Variants in PARP14 observed in about 807,000 individuals in gnomAD.
PARP14 encodes protein mono-ADP-ribosyltransferase PARP14.
In PARP14, 59 loss-of-function variants were observed where a neutral mutation model predicts 154.2. The ratio of observed to expected loss-of-function variants is 0.38; its 90% CI spans 0.31 to 0.48. PARP14 has a LOEUF of 0.48. Among genes scored for constraint, PARP14 ranks in the 20% least tolerant of loss-of-function variants. The probability of loss-of-function intolerance (pLI) is 0.98; values close to 1 mark genes in which losing one functional copy is unlikely to be tolerated. For synonymous variants in PARP14, 720 were observed against 780.5 expected, an observed-to-expected ratio of 0.92 and a Z score of 1.29; for missense variants, 1,734 against 2,131.6, an observed-to-expected ratio of 0.81 and a Z score of 3.67.
chr3:122,718,187 C>T lies in PARP14; in HGVS notation c.4117C>T (p.Pro1373Ser), dbSNP rs749927649. 2 of 1,613,510 alleles carry T rather than the reference C, an allele frequency of 1.2e-6. No individual in the cohort carries two copies. The highest frequency in any genetic ancestry group is 1.7e-6 in the Non-Finnish European group (2 of 1,179,588). Reference sequence around the variant, plus strand: ...AAAAGTTAAAGTTGTTATCTTTCTGCCTCAAGTACTGGATGTGTTTTATGC... The same window carrying T: ...AAAAGTTAAAGTTGTTATCTTTCTGTCTCAAGTACTGGATGTGTTTTATGC... The part of the protein sequence containing the change: ...VKKVKVVIFL[P>S]QVLDVFYANM... Residue 1373 changes from proline (P) to serine (S), a missense_variant, in exon 13 of 17, where the codon CCT (proline) becomes TCT (serine). Pro to Ser is a moderately conservative substitution (Grantham distance 74). This residue lies in a region of PARP14 where 1,646 missense variants were observed against 1,976.0 expected (regional missense o/e 0.83). Coordinates refer to ENST00000474629, the MANE Select transcript of PARP14 (RefSeq NM_017554.3).
intron 15 of PARP14, among the ~76,000 whole-genome samples, chr3:122,725,188 A>G: frequency 6.6e-6 from 1 of 152,150 alleles, no homozygotes; most frequent in Non-Finnish European, 1.5e-5. Flanking sequence ...CACCTCCCAG[A>G]CGGGGTGGCT....
At chr3:122,707,379 T>A (rs1939190781) in intron 8 of PARP14, among the ~76,000 whole-genome samples, 1 of 37,650 alleles carries the variant, frequency 2.7e-5, no homozygotes, top group African/African-American at 8.2e-5. Flanking sequence ...AGACTCCATC[T>A]CAAATAAATA....
rs753710077 is a variant in PARP14 at position 122,700,210 on chromosome 3, A to G, written c.1656A>G (p.Lys552=). The change falls in exon 6 of 17, where the codon AAA becomes AAG. Residue 552 remains lysine (K), a synonymous_variant. Transcript: ENST00000474629. ...IFQFLQQVNW[K]EFSKCLFIAQ... is the part of the protein sequence containing the mutation. The stretch of plus-strand genomic sequence containing the variant: ...AGTTTTTGCAACAGGTAAACTGGAA[A>G]GAATTCTCTAAGTGTCTTTTCATAG... The G allele has an allele frequency of 9.3e-6, 15 of 1,611,924 alleles. No individual in the cohort carries two copies. The highest frequency in any genetic ancestry group is 1.3e-5 in the Non-Finnish European group (15 of 1,178,730).
chr3:122,712,649 G>A (rs530490227), intron 9 of PARP14, among the ~76,000 whole-genome samples: 3 of 152,112 alleles, frequency 2.0e-5, no homozygotes, highest in South Asian at 4.2e-4. Context: ...ACCTCTGGGG[G>A]CTCAGGTGAT....
At chr3:122,708,153 G>A in intron 8 of PARP14, 37 bp from the exon 9 acceptor site, 5 of 1,075,360 alleles carry the variant, frequency 4.6e-6, no homozygotes, top group Non-Finnish European at 7.0e-6. Flanking sequence ...TTCATTTACT[G>A]AGGAGTGTAA....
chr3:122,704,816 G>T (rs1939100635), intron 8 of PARP14, 68 bp downstream of exon 8: 2 of 815,884 alleles, frequency 2.5e-6, no homozygotes, highest in Admixed American at 2.7e-5. Flanking sequence ...TGTCTTTTTG[G>T]TCTAACAGGA....
chr3:122,704,726 C>A lies in PARP14; in HGVS notation c.3518C>A (p.Pro1173Gln). The change falls in exon 8 of 17, where the codon CCG becomes CAG. Residue 1173 changes from proline to glutamine, a missense_variant. Pro to Gln is a moderately conservative substitution (Grantham distance 76). Coordinates refer to ENST00000474629, the MANE Select transcript of PARP14 (RefSeq NM_017554.3). ...TLQEVHFLLH[P>Q]SDHENIQAFS... Reference sequence around the variant, plus strand: ...CAAGAGGTTCACTTTCTGCTGCACCCGAGTGATCATGAAAATATTCAGGTA... The same window carrying A: ...CAAGAGGTTCACTTTCTGCTGCACCAGAGTGATCATGAAAATATTCAGGTA... The A allele has an allele frequency of 6.3e-7, 1 of 1,597,876 alleles. No homozygotes were observed. Among genetic ancestry groups the A allele is most frequent in the East Asian group, 2.2e-5 (1 of 44,492 alleles).
chr3:122,699,485 A>G lies in PARP14; in HGVS notation c.931A>G (p.Lys311Glu), dbSNP rs979612562. 2 of 1,613,802 alleles carry G rather than the reference A, an allele frequency of 1.2e-6. No individual in the cohort carries two copies. The highest frequency in any genetic ancestry group is 1.7e-6 in the Non-Finnish European group (2 of 1,179,692). Residue 311 changes from lysine to glutamate, a missense_variant, in exon 6 of 17, where the codon AAG becomes GAG. Lys to Glu is a moderately conservative substitution (Grantham distance 56, BLOSUM62 1). Coordinates refer to ENST00000474629, the MANE Select transcript of PARP14 (RefSeq NM_017554.3). ...YASLGTALYG[K>E]EKPLIKLPAP... ...CTCATTGGGCACAGCCTTGTATGGAAAGGAGAAGCCTCTGATCAAGCTTCC... is the reference window on the plus strand; with the variant it reads ...CTCATTGGGCACAGCCTTGTATGGAGAGGAGAAGCCTCTGATCAAGCTTCC...
intron 4 of PARP14, among the ~76,000 whole-genome samples, chr3:122,693,908 G>A (rs1266994): frequency 0.38 from 57,189 of 151,648 alleles, 13,568 homozygotes; most frequent in African/African-American, 0.65. Flanking sequence ...TACCTGAGAC[G>A]TAGTAATGAC....
At chr3:122,727,102 C>A (rs928941362) in intron 15 of PARP14, among the ~76,000 whole-genome samples, 5 of 151,854 alleles carry the variant, frequency 3.3e-5, no homozygotes, top group Non-Finnish European at 5.9e-5. Flanking sequence ...GGAACCTTTA[C>A]CTTGTGCATT....
Position 122,713,867 on chromosome 3 carries a change from T to C in PARP14, c.3770-5T>C, listed in dbSNP as rs1576597410. ...GTTTGTTATCATCTTGATTTTCTCA[T>C]GTAGGGGTCTCCAAAGCAATTTTAG... On this transcript the variant is annotated splice_region_variant and splice_polypyrimidine_tract_variant and intron_variant, in intron 10 of 16. Transcript: ENST00000474629. The C allele has an allele frequency of 6.3e-7, 1 of 1,599,418 alleles. No individual in the cohort carries two copies. The highest frequency in any genetic ancestry group is 8.6e-7 in the Non-Finnish European group (1 of 1,166,614).
chr3:122,715,918 C>A, intron 12 of PARP14, among the ~76,000 whole-genome samples: 1 of 152,152 alleles, frequency 6.6e-6, no homozygotes, highest in East Asian at 1.9e-4. Flanking sequence ...TTGAGCATTT[C>A]TGGACTCAAT....
At position 122,718,141 on chromosome 3, in the gene PARP14, A is replaced by G; in HGVS notation, c.4071A>G (p.Lys1357=). 2 of 1,613,876 alleles carry G rather than the reference A, an allele frequency of 1.2e-6. No homozygotes were observed. Among genetic ancestry groups the G allele is most frequent in the Non-Finnish European group, 1.7e-6 (2 of 1,179,810 alleles). The change falls in exon 13 of 17, where the codon AAA becomes AAG. Residue 1357 remains lysine (K), a synonymous_variant. Transcript: ENST00000474629. ...ATGCCATTGAAGACTTTGTCCAGAA[A>G]GGATCAGCCCAGTCTGTGAAAAAAG... ...IIDAIEDFVQ[K]GSAQSVKKVK...
intron 2 of PARP14, among the ~76,000 whole-genome samples, chr3:122,686,073 C>T (rs1009341873): frequency 6.6e-6 from 1 of 152,190 alleles, no homozygotes; most frequent in Non-Finnish European, 1.5e-5. Flanking sequence ...GAGGGTTGAA[C>T]AAGATGATCT....
At chr3:122,715,474 C>G (rs553717206) in intron 12 of PARP14, among the ~76,000 whole-genome samples, 4 of 152,276 alleles carry the variant, frequency 2.6e-5, no homozygotes, top group African/African-American at 9.6e-5. Context: ...AATTCTATGT[C>G]TATTTTACAA....
At chr3:122,724,460 ATTTTT>A (rs956215914) in intron 15 of PARP14, among the ~76,000 whole-genome samples, 9 of 102,036 alleles carry the variant, frequency 8.8e-5, no homozygotes, top group African/African-American at 2.8e-4. Flanking sequence ...CACCACGCCT[ATTTTT>A]TTTTTTTTTT....
rs1938203016 is a variant in PARP14, at chr3:122,681,431, TTTTCC to T, written c.187+363_187+367del. The stretch of plus-strand genomic sequence containing the variant: ...TATCCTCTTATCATCCTTTTCTGTC[TTTTCC>T]TGTTGTTATTATTCTTGTGTGGGGA... On this transcript the variant is annotated intron_variant, in intron 1 of 16. Transcript: ENST00000474629. The surrounding 1 kb of genome is among the most constrained non-coding windows in gnomAD (Gnocchi z 5.5). Among the ~76,000 whole-genome samples the T allele has an allele frequency of 6.6e-6, 1 of 152,230 alleles. No homozygotes were observed. Among genetic ancestry groups the T allele is most frequent in the Non-Finnish European group, 1.5e-5 (1 of 68,034 alleles).
chr3:122,708,177 G>A lies in PARP14; in HGVS notation c.3541-13G>A. ...TGAGGAGTGTAATGATCAACGCTGTGTTTATATTTCAGGCATTTTCAGATG... is the reference window on the plus strand; with the variant it reads ...TGAGGAGTGTAATGATCAACGCTGTATTTATATTTCAGGCATTTTCAGATG... On this transcript the variant is annotated splice_polypyrimidine_tract_variant and intron_variant, in intron 8 of 16. Transcript: ENST00000474629. 6.8e-7 allele frequency: 1 copy of A among 1,475,686 alleles called. No individual in the cohort carries two copies. The highest frequency in any genetic ancestry group is 2.4e-5 in the East Asian group (1 of 41,922). The allele number at this position is 1,475,686 out of a possible 1,614,324, so 91.4% of individuals were successfully genotyped here. A position where few individuals can be genotyped will look rare whatever the true frequency, so the allele number is the denominator to read the frequency against.
rs1938970514 is a variant in PARP14, at chr3:122,701,416, G to T, written c.2862G>T (p.Leu954Phe). 6.2e-7 allele frequency: 1 copy of T among 1,614,016 alleles called. No homozygotes were observed. The highest frequency in any genetic ancestry group is 2.2e-5 in the East Asian group (1 of 44,888). Residue 954 changes from leucine (L) to phenylalanine (F), a missense_variant, in exon 6 of 17, where the codon TTG (leucine) becomes TTT (phenylalanine). This residue lies in a region of PARP14 where 1,646 missense variants were observed against 1,976.0 expected (regional missense o/e 0.83). Transcript: ENST00000474629. This position sits in a 1 kb window ranked among gnomAD's most constrained non-coding sequence, Gnocchi z 4.0. The part of the protein sequence containing the change: ...NFQFKKDGHC[L>F]KEIYLVDVSE... Reference sequence around the variant, plus strand: ...AATTCAAGAAGGATGGACACTGCTTGAAAGAAATCTACCTTGTGGATGTAT... The same window carrying T: ...AATTCAAGAAGGATGGACACTGCTTTAAAGAAATCTACCTTGTGGATGTAT...
Sources: gnomAD v4.1 joint callset for allele counts (sites outside exome capture counted in the v4.1 genomes callset) on GRCh38, gnomAD v4.1.1 for gene constraint, gnomAD v4.1.1 regional missense constraint, Gnocchi (gnomAD v3.1) non-coding constraint, MANE v1.5 for transcripts, NCBI Gene and HGNC (gene_info 2026-07-23, HGNC 2026-07-21) for gene names.